GABRA2: variants seen among roughly 807,000 people sequenced by gnomAD.
GABRA2 encodes gamma-aminobutyric acid receptor subunit alpha-2.
Under a neutral mutation model 48.7 loss-of-function variants are expected in GABRA2, and 16 were observed. That is an observed-to-expected ratio of 0.33 (90% CI 0.22 to 0.50). The LOEUF (loss-of-function observed/expected upper bound fraction) is 0.50, where lower values mean the gene tolerates loss of function less well. Ranked by LOEUF, GABRA2 falls within the 20% of genes least tolerant of loss-of-function variation. The probability of loss-of-function intolerance (pLI) is 0.98; values close to 1 mark genes in which losing one functional copy is unlikely to be tolerated. For synonymous variants in GABRA2, 185 were observed against 184.5 expected, an observed-to-expected ratio of 1.00 and a Z score of -0.02; for missense variants, 275 against 535.6, an observed-to-expected ratio of 0.51 and a Z score of 4.80.
At chr4:46,377,635 C>G (rs1030832356) in intron 3 of GABRA2, among the ~76,000 whole-genome samples, 4 of 150,004 alleles carry the variant, frequency 2.7e-5, no homozygotes, top group African/African-American at 4.9e-5. Context: ...GCTAGCCGCC[C>G]GGTCCAGGAG....
chr4:46,261,438 A>C (rs577690165), intron 9 of GABRA2: 1 of 162,154 alleles, frequency 6.2e-6, no homozygotes, highest in Admixed American at 5.8e-5. Flanking sequence ...GAATTCTATA[A>C]TAAGTAAAAT....
rs1044254090 is a variant in GABRA2 at position 46,257,530 on chromosome 4, A to C, written c.1059+4396T>G. Among the ~76,000 whole-genome samples, 8 of 151,740 alleles carry C rather than the reference A, an allele frequency of 5.3e-5. No individual in the cohort carries two copies. The Admixed American group carries it at 5.3e-4, about 10-fold the overall frequency. On this transcript the variant is annotated intron_variant, in intron 9 of 9. Coordinates refer to ENST00000381620, the MANE Select transcript of GABRA2 (RefSeq NM_000807.4). ...ACCAATTCTCATTTCTAAAATAGAA[A>C]TACTCCCAGTCACATGGAAGCAAAA...
intron 3 of GABRA2, among the ~76,000 whole-genome samples, chr4:46,348,763 C>A (rs1176042551): frequency 2.9e-5 from 3 of 102,080 alleles, no homozygotes; most frequent in African/African-American, 4.1e-5. Context: ...CATCACACTC[C>A]GGGGACTGTT....
Position 46,367,716 on chromosome 4 carries a change from G to A in GABRA2, c.187+18358C>T, listed in dbSNP as rs780699853. 7 of 152,186 alleles carry A rather than the reference G, an allele frequency of 4.6e-5. No individual in the cohort carries two copies. The South Asian group carries it at 6.2e-4, about 14-fold the overall frequency. The allele number at this position is 152,186 out of a possible 1,614,324, so 9.4% of individuals were successfully genotyped here. A position where few individuals can be genotyped will look rare whatever the true frequency, so the allele number is the denominator to read the frequency against. ...CTATGCATGCTACAGACAAAACAAAGTTGCAGAATTATACATCTTGAAATG... is the reference window on the plus strand; with the variant it reads ...CTATGCATGCTACAGACAAAACAAAATTGCAGAATTATACATCTTGAAATG... On this transcript the variant is annotated intron_variant, in intron 3 of 9. Coordinates refer to ENST00000381620, the MANE Select transcript of GABRA2 (RefSeq NM_000807.4).
chr4:46,356,491 A>G (rs574496414), intron 3 of GABRA2, among the ~76,000 whole-genome samples: 1 of 151,984 alleles, frequency 6.6e-6, no homozygotes, highest in South Asian at 2.1e-4. Flanking sequence ...AGTATCTAAC[A>G]GCTCATCTCT....
chr4:46,302,859 C>T (rs1344995019), intron 8 of GABRA2, among the ~76,000 whole-genome samples: 2 of 152,174 alleles, frequency 1.3e-5, no homozygotes, highest in African/African-American at 2.4e-5. Context: ...AACCCTCTTT[C>T]TTGTTCTTCT....
intron 7 of GABRA2, among the ~76,000 whole-genome samples, chr4:46,304,888 G>A (rs1479646648): frequency 1.5e-5 from 2 of 134,966 alleles, no homozygotes; most frequent in African/African-American, 2.8e-5. Context: ...TCGTGCCACT[G>A]CACTCCAGCC....
intron 7 of GABRA2, among the ~76,000 whole-genome samples, chr4:46,303,832 T>A (rs1726168992): frequency 6.6e-6 from 1 of 152,204 alleles, no homozygotes; most frequent in Non-Finnish European, 1.5e-5. Context: ...CGTCCCATGA[T>A]ATTGTACAGA....
At chr4:46,298,158 C>T (rs1208006415) in intron 8 of GABRA2, among the ~76,000 whole-genome samples, 1 of 152,022 alleles carries the variant, frequency 6.6e-6, no homozygotes, top group Non-Finnish European at 1.5e-5. Context: ...AATATCAGTT[C>T]TATTCTAACA....
chr4:46,271,425 C>T (rs139311876), intron 8 of GABRA2, among the ~76,000 whole-genome samples: 10 of 152,000 alleles, frequency 6.6e-5, no homozygotes, highest in East Asian at 3.9e-4. Flanking sequence ...GGTGCAAGAA[C>T]CTTTGACATT....
At chr4:46,343,485 G>A (rs1733638381) in intron 3 of GABRA2, among the ~76,000 whole-genome samples, 1 of 151,832 alleles carries the variant, frequency 6.6e-6, no homozygotes, top group African/African-American at 2.4e-5. Context: ...GAGAATATTA[G>A]GCCTAACCAG....
intron 3 of GABRA2, among the ~76,000 whole-genome samples, chr4:46,376,282 T>C (rs1360886398): frequency 5.9e-5 from 9 of 152,278 alleles, no homozygotes; most frequent in Non-Finnish European, 1.2e-4. Context: ...TATAGATTTC[T>C]ACAAGGTGAT....
chr4:46,347,871 A>G (rs1306895260), intron 3 of GABRA2, among the ~76,000 whole-genome samples: 1 of 151,856 alleles, frequency 6.6e-6, no homozygotes, highest in Non-Finnish European at 1.5e-5. Context: ...TATCTACACT[A>G]TAAAAGAAAC....
At chr4:46,279,326 T>C (rs1441024197) in intron 8 of GABRA2, among the ~76,000 whole-genome samples, 3 of 152,150 alleles carry the variant, frequency 2.0e-5, no homozygotes, top group Non-Finnish European at 4.4e-5. Context: ...TATGAATGTA[T>C]AAGCCAATTT....
intron 3 of GABRA2, among the ~76,000 whole-genome samples, chr4:46,337,087 G>A (rs1034591312): frequency 4.0e-5 from 6 of 151,880 alleles, no homozygotes; most frequent in Non-Finnish European, 5.9e-5. Flanking sequence ...AGATGGTTGA[G>A]GATAAAAAGT....
chr4:46,260,204 A>T (rs141968370), intron 9 of GABRA2, among the ~76,000 whole-genome samples: 1 of 152,036 alleles, frequency 6.6e-6, no homozygotes, highest in East Asian at 1.9e-4. Flanking sequence ...GGAAATGAGA[A>T]CAAGCAATGT....
intron 9 of GABRA2, chr4:46,261,228 CA>C (rs1334066855): frequency 6.6e-6 from 1 of 152,084 alleles, no homozygotes; most frequent in Non-Finnish European, 1.5e-5. Flanking sequence ...GCAATAATCT[CA>C]AAAGAAGTTA....
chr4:46,258,112 T>G (rs1716209343), intron 9 of GABRA2, among the ~76,000 whole-genome samples: 1 of 151,806 alleles, frequency 6.6e-6, no homozygotes, highest in Non-Finnish European at 1.5e-5. Flanking sequence ...GGTGTATAGT[T>G]ATCAATAATG....
chr4:46,273,502 CATATATATATATATATATAT>C (rs71637683), intron 8 of GABRA2, among the ~76,000 whole-genome samples: 2 of 48,144 alleles, frequency 4.2e-5, no homozygotes, highest in Non-Finnish European at 4.0e-5. Flanking sequence ...TATATATATG[CATATATATATATATATATAT>C]ATATATATAT....
Sources: allele counts gnomAD v4.1 joint callset (sites outside exome capture counted in the v4.1 genomes callset), GRCh38; gene constraint gnomAD v4.1.1; transcripts MANE v1.5; gene names NCBI Gene and HGNC (gene_info 2026-07-23, HGNC 2026-07-21).